PCNX1: variants seen among roughly 807,000 people sequenced by gnomAD.
PCNX1 encodes the protein pecanex-like protein 1.
PCNX1 carries 78 observed loss-of-function variants against 242.2 expected under a neutral mutation model. The observed-to-expected ratio is 0.32, with a 90% confidence interval of 0.27 to 0.39. The LOEUF is 0.39. Among genes scored for constraint, PCNX1 ranks in the 10% least tolerant of loss-of-function variants. The pLI is 1.00. For synonymous variants in PCNX1, 1,024 were observed against 1,032.9 expected (o/e 0.99, Z 0.17); for missense variants, 2,581 against 2,856.5 (o/e 0.90, Z 2.20).
At chr14:70,910,313 G>A (rs1490270120) in intron 1 of PCNX1, among the ~76,000 whole-genome samples, 2 of 147,214 alleles carry the variant, frequency 1.4e-5, no homozygotes, top group Non-Finnish European at 3.0e-5. Context: ...GATTATTGCA[G>A]TACTTTAATG....
chr14:70,962,172 G>A (rs761428690), intron 2 of PCNX1, 54 bp from the exon 3 acceptor site: 63 of 1,062,992 alleles, frequency 5.9e-5, no homozygotes, highest in Non-Finnish European at 8.8e-5. Flanking sequence ...CAAAGGAAAA[G>A]CATTGGAGTC....
At chr14:71,065,521 C>G (rs938588772) in intron 26 of PCNX1, among the ~76,000 whole-genome samples, 2 of 151,876 alleles carry the variant, frequency 1.3e-5, no homozygotes, top group Non-Finnish European at 2.9e-5. Flanking sequence ...GGATATTAAC[C>G]CTTTGTCAGA....
intron 30 of PCNX1, chr14:71,093,355 G>A (rs1160852309): frequency 4.0e-5 from 6 of 151,866 alleles, no homozygotes; most frequent in South Asian, 2.1e-4. Context: ...GGATTACAAG[G>A]TGTGGCTCTT....
At chr14:71,035,694 G>T (rs1464622898) in intron 18 of PCNX1, among the ~76,000 whole-genome samples, 2 of 150,768 alleles carry the variant, frequency 1.3e-5, no homozygotes, top group Non-Finnish European at 3.0e-5. Context: ...TATCACTTGA[G>T]GTCAGGAGTT....
At chr14:71,087,827 A>G (rs555254582) in intron 28 of PCNX1, among the ~76,000 whole-genome samples, 69 of 152,278 alleles carry the variant, frequency 4.5e-4, no homozygotes, top group Admixed American at 1.3e-4. Context: ...TGTAATTGTT[A>G]AAAAATAAAA....
chr14:70,974,984 T>C (rs2140089967), intron 5 of PCNX1, among the ~76,000 whole-genome samples: 1 of 152,298 alleles, frequency 6.6e-6, no homozygotes, highest in Admixed American at 6.5e-5. Flanking sequence ...TCGAAAAAAG[T>C]GCATGTATTA....
chr14:70,915,981 G>A (rs2056137308), intron 1 of PCNX1, among the ~76,000 whole-genome samples: 1 of 152,036 alleles, frequency 6.6e-6, no homozygotes, highest in Non-Finnish European at 1.5e-5. Flanking sequence ...ATGGAGGAAG[G>A]GATAAACAGT....
At chr14:70,948,173 T>G (rs1363065013) in intron 2 of PCNX1, among the ~76,000 whole-genome samples, 1 of 152,144 alleles carries the variant, frequency 6.6e-6, no homozygotes, top group Non-Finnish European at 1.5e-5. Flanking sequence ...ATTTGCCTTG[T>G]GATATTTTAT....
chr14:71,089,114 T>G, intron 29 of PCNX1, 78 bp from the exon 30 acceptor site: 1 of 1,059,374 alleles, frequency 9.4e-7, no homozygotes, highest in Admixed American at 2.1e-5. Context: ...GTGATTCTGA[T>G]GCACACGCAG....
rs918793415 is a variant in PCNX1 at position 71,028,932 on chromosome 14, C to G, written c.3558+141C>G. On this transcript the variant is annotated intron_variant, in intron 16 of 35. Coordinates refer to ENST00000304743, the MANE Select transcript of PCNX1 (RefSeq NM_014982.3). The stretch of plus-strand genomic sequence containing the variant: ...TGGTCTTCATATGTTAAACATTATT[C>G]TCATTCTCAACTACTTTGAATTTGA... 5.9e-6 allele frequency: 3 copies of G among 510,780 alleles called. No homozygotes were observed. In the African/African-American group the frequency reaches 6.0e-5, roughly 10 times the overall value. 31.6% of individuals were successfully genotyped at this position (510,780 alleles called of 1,614,324 possible). A position where few individuals can be genotyped will look rare whatever the true frequency, so the allele number is the denominator to read the frequency against.
intron 1 of PCNX1, among the ~76,000 whole-genome samples, chr14:70,929,988 A>C (rs138285958): frequency 6.6e-6 from 1 of 152,206 alleles, no homozygotes; most frequent in Non-Finnish European, 1.5e-5. Context: ...TCTATAATGT[A>C]CATAAGATTA....
chr14:71,056,465 T>TA (rs1248815809), intron 25 of PCNX1, among the ~76,000 whole-genome samples: 1 of 152,190 alleles, frequency 6.6e-6, no homozygotes, highest in Non-Finnish European at 1.5e-5. Context: ...ATAGAATTGA[T>TA]ACAGCCATTT....
chr14:70,923,170 G>A (rs1007235470), intron 1 of PCNX1, among the ~76,000 whole-genome samples: 1 of 151,856 alleles, frequency 6.6e-6, no homozygotes, highest in Admixed American at 6.6e-5. Flanking sequence ...GTTTTTCTGT[G>A]ATTTGTGAGA....
In PCNX1 at chr14:70,969,011, A is replaced by G; in HGVS notation, c.515-10A>G. The stretch of plus-strand genomic sequence containing the variant: ...TATAAGGTCCTCACATGTTTCTCTT[A>G]ACTTTGTAGGAGATACAGACACTGC... On this transcript the variant is annotated splice_polypyrimidine_tract_variant and intron_variant, in intron 4 of 35. Transcript: ENST00000304743. The G allele has an allele frequency of 6.5e-7, 1 of 1,547,774 alleles. No individual in the cohort carries two copies. The highest frequency in any genetic ancestry group is 8.9e-7 in the Non-Finnish European group (1 of 1,119,740).
At chr14:71,053,753 C>G (rs1480886789) in intron 24 of PCNX1, among the ~76,000 whole-genome samples, 1 of 152,112 alleles carries the variant, frequency 6.6e-6, no homozygotes, top group African/African-American at 2.4e-5. Flanking sequence ...ATAACAATGT[C>G]GTATCTATTG....
chr14:71,000,381 G>T (rs936033761), intron 8 of PCNX1, among the ~76,000 whole-genome samples: 1 of 152,006 alleles, frequency 6.6e-6, no homozygotes, highest in African/African-American at 2.4e-5. Flanking sequence ...ATTCCTTCCA[G>T]TCTTTTAAAA....
chr14:70,926,308 A>G (rs1410773434), intron 1 of PCNX1, among the ~76,000 whole-genome samples: 18 of 152,058 alleles, frequency 1.2e-4, no homozygotes, highest in Admixed American at 1.2e-3. Context: ...TGCTGTGCTT[A>G]TATCAGATAC....
chr14:70,980,802 C>T (rs1300517081), intron 6 of PCNX1, among the ~76,000 whole-genome samples: 2 of 152,166 alleles, frequency 1.3e-5, no homozygotes, highest in African/African-American at 2.4e-5. Flanking sequence ...TCCTTCCTTA[C>T]ATACTGTACT....
At chr14:71,030,773 G>A (rs1046604840) in intron 16 of PCNX1, among the ~76,000 whole-genome samples, 6 of 152,062 alleles carry the variant, frequency 3.9e-5, no homozygotes, top group Admixed American at 2.0e-4. Context: ...CCATTAAGCA[G>A]CTCAAAGCCA....
Sources: allele counts gnomAD v4.1 joint callset (sites outside exome capture counted in the v4.1 genomes callset), GRCh38; gene constraint gnomAD v4.1.1; transcripts MANE v1.5; gene names NCBI Gene and HGNC (gene_info 2026-07-23, HGNC 2026-07-21).